SLC2A13: variants seen among roughly 807,000 people sequenced by gnomAD.
SLC2A13 encodes the protein solute carrier family 2 member 13, also known as proton myo-inositol cotransporter.
A neutral mutation model predicts 64.4 loss-of-function variants in SLC2A13; 32 were observed. That is an observed-to-expected ratio of 0.50 (90% CI 0.37 to 0.67). The LOEUF is 0.67. Among genes scored for constraint, SLC2A13 ranks in the 30% least tolerant of loss-of-function variants. SLC2A13 has a pLI of 0.00. For synonymous variants in SLC2A13, 338 were observed against 327.1 expected, an observed-to-expected ratio of 1.03 and a Z score of -0.36; for missense variants, 743 against 829.2, an observed-to-expected ratio of 0.90 and a Z score of 1.28.
At chr12:40,070,760 C>T (rs1038513228) in intron 1 of SLC2A13, among the ~76,000 whole-genome samples, 5 of 152,122 alleles carry the variant, frequency 3.3e-5, no homozygotes, top group African/African-American at 9.7e-5. Context: ...ATCCTAGTTA[C>T]TTCCCTTCAC....
chr12:39,784,376 G>A (rs1941109285), intron 7 of SLC2A13, among the ~76,000 whole-genome samples: 2 of 152,098 alleles, frequency 1.3e-5, no homozygotes. Flanking sequence ...CCAAAACAGA[G>A]ATATAGAACA....
At chr12:39,905,817 G>T (rs2136028305) in intron 4 of SLC2A13, among the ~76,000 whole-genome samples, 1 of 45,260 alleles carries the variant, frequency 2.2e-5, no homozygotes, top group African/African-American at 8.4e-5. Flanking sequence ...TTATTAAAAT[G>T]CCCAGAAAAA....
At chr12:39,929,143 G>T (rs1240468586) in intron 4 of SLC2A13, among the ~76,000 whole-genome samples, 1 of 152,158 alleles carries the variant, frequency 6.6e-6, no homozygotes, top group East Asian at 1.9e-4. Context: ...AACAACCCAA[G>T]TCTGGGGACT....
At chr12:39,999,636 C>T (rs752087068) in intron 3 of SLC2A13, among the ~76,000 whole-genome samples, 51 of 152,202 alleles carry the variant, frequency 3.4e-4, no homozygotes, top group Non-Finnish European at 6.5e-4. Flanking sequence ...ACAATACGTG[C>T]ACCGCTGAAC....
intron 1 of SLC2A13, among the ~76,000 whole-genome samples, chr12:40,077,780 T>A (rs1012069079): frequency 1.3e-5 from 2 of 152,222 alleles, no homozygotes; most frequent in Middle Eastern, 3.4e-3. Flanking sequence ...TTCCTATCCA[T>A]GAACATGGAA....
chr12:40,080,228 G>A (rs1292532538), intron 1 of SLC2A13, among the ~76,000 whole-genome samples: 2 of 152,096 alleles, frequency 1.3e-5, no homozygotes, highest in African/African-American at 4.8e-5. Flanking sequence ...AGCAACTCTT[G>A]CTCTGTTTGC....
chr12:39,871,947 G>A lies in SLC2A13; in HGVS notation c.1049C>T (p.Thr350Ile). Residue 350 changes from threonine (T) to isoleucine (I), a missense_variant, in exon 5 of 10, where the codon ACC becomes ATC. This residue lies in a region of SLC2A13 where 295 missense variants were observed against 381.7 expected (regional missense o/e 0.77). Transcript: ENST00000280871. ...GINTIMYYSA[T>I]ILQMSGVEDD... ...TTCAACACCAGACATCTGCAGAATG[G>A]TTGCACTGTAGTACCTGCAAAGCAA... 1 of 1,604,810 alleles carries A rather than the reference G, an allele frequency of 6.2e-7. No individual in the cohort carries two copies. Among genetic ancestry groups the A allele is most frequent in the African/African-American group, 1.3e-5 (1 of 74,500 alleles).
intron 4 of SLC2A13, among the ~76,000 whole-genome samples, chr12:39,920,066 C>T (rs1379883465): frequency 6.6e-6 from 1 of 151,990 alleles, no homozygotes; most frequent in Admixed American, 6.6e-5. Context: ...TCCTGCCTGG[C>T]CTGTGCTCAC....
chr12:39,892,303 G>C (rs1944633833), intron 4 of SLC2A13, among the ~76,000 whole-genome samples: 1 of 152,152 alleles, frequency 6.6e-6, no homozygotes, highest in African/African-American at 2.4e-5. Flanking sequence ...CAGCTTGTTT[G>C]GGTCACAGGA....
intron 3 of SLC2A13, among the ~76,000 whole-genome samples, chr12:39,952,985 C>T (rs1946256343): frequency 5.9e-5 from 3 of 50,786 alleles, no homozygotes; most frequent in Non-Finnish European, 1.3e-4. Flanking sequence ...CCTTGTATAT[C>T]ATGATTTTTT....
At chr12:39,923,726 A>G (rs1423564931) in intron 4 of SLC2A13, among the ~76,000 whole-genome samples, 13 of 151,888 alleles carry the variant, frequency 8.6e-5, no homozygotes, top group Non-Finnish European at 1.5e-5. Context: ...ACACACACAT[A>G]TATTTTAACA....
chr12:39,898,428 C>A (rs1324833238), intron 4 of SLC2A13, among the ~76,000 whole-genome samples: 1 of 152,016 alleles, frequency 6.6e-6, no homozygotes, highest in South Asian at 2.1e-4. Flanking sequence ...GTAAAATAAC[C>A]AGTGTTTGTG....
chr12:39,986,985 G>C (rs1040689439), intron 3 of SLC2A13, among the ~76,000 whole-genome samples: 7 of 152,116 alleles, frequency 4.6e-5, no homozygotes, highest in African/African-American at 1.7e-4. Context: ...TAAATACCTA[G>C]AGATAATAAA....
chr12:39,942,838 T>C (rs1487815786), intron 4 of SLC2A13, among the ~76,000 whole-genome samples: 2 of 152,228 alleles, frequency 1.3e-5, no homozygotes, highest in African/African-American at 4.8e-5. Context: ...TGAGGTTTTC[T>C]GGTTTTTGGA....
intron 6 of SLC2A13, among the ~76,000 whole-genome samples, chr12:39,847,565 C>A (rs1432338425): frequency 6.6e-6 from 1 of 152,078 alleles, no homozygotes; most frequent in Non-Finnish European, 1.5e-5. Context: ...CTCCTGCAGC[C>A]ACCCTGGCCC....
At chr12:39,768,379 T>G (rs1393048698) in intron 7 of SLC2A13, among the ~76,000 whole-genome samples, 1 of 152,106 alleles carries the variant, frequency 6.6e-6, no homozygotes, top group Non-Finnish European at 1.5e-5. Context: ...TTAATATCCT[T>G]TAAGAATTTT....
intron 6 of SLC2A13, among the ~76,000 whole-genome samples, chr12:39,857,309 A>C (rs1943633320): frequency 1.3e-5 from 2 of 152,230 alleles, no homozygotes; most frequent in Non-Finnish European, 2.9e-5. Flanking sequence ...ACTTGAGAGC[A>C]AAGGAAAGGG....
In SLC2A13 at chr12:40,028,436, G is replaced by T; in HGVS notation, c.790C>A (p.Arg264=). Residue 264 remains arginine (R), a synonymous_variant, in exon 3 of 10, where the codon CGA becomes AGA. Transcript: ENST00000280871. ...FGFLFLPESP[R]WLIQKGQTQK... is the part of the protein sequence containing the mutation. Reference sequence around the variant, plus strand: ...GTCTGTCCTTTCTGAATAAGCCATCGAGGGCTTTCAGGCAAAAAGAGAAAG... The same window carrying T: ...GTCTGTCCTTTCTGAATAAGCCATCTAGGGCTTTCAGGCAAAAAGAGAAAG... 6.2e-7 allele frequency: 1 copy of T among 1,613,806 alleles called. No homozygotes were observed. The highest frequency in any genetic ancestry group is 8.5e-7 in the Non-Finnish European group (1 of 1,179,948).
chr12:39,842,471 CAT>C (rs1198732753), intron 6 of SLC2A13, among the ~76,000 whole-genome samples: 1 of 152,022 alleles, frequency 6.6e-6, no homozygotes, highest in Non-Finnish European at 1.5e-5. Context: ...TAGTGACTAA[CAT>C]GTGACACTCT....
Sources: allele counts gnomAD v4.1 joint callset (sites outside exome capture counted in the v4.1 genomes callset), GRCh38; gene constraint gnomAD v4.1.1; regional missense constraint gnomAD v4.1.1; transcripts MANE v1.5; gene names NCBI Gene and HGNC (gene_info 2026-07-23, HGNC 2026-07-21).